Variants in SNTN observed in about 807,000 individuals in gnomAD.
SNTN encodes sentan, cilia apical structure protein.
SNTN carries 13 observed loss-of-function variants against 12.3 expected under a neutral mutation model. The ratio of observed to expected loss-of-function variants is 1.05; its 90% CI spans 0.69 to 1.67. The LOEUF is 1.67. SNTN is among the 40% of genes most tolerant of loss of function. The probability of loss-of-function intolerance (pLI) is 0.00; values close to 1 mark genes in which losing one functional copy is unlikely to be tolerated. For missense variants in SNTN, 189 were observed against 169.8 expected (o/e 1.11, Z -0.63); for synonymous variants, 69 against 58.5 (o/e 1.18, Z -0.82).
intron 3 of SNTN, among the ~76,000 whole-genome samples, chr3:63,660,787 A>C (rs1447838165): frequency 6.6e-6 from 1 of 152,164 alleles, no homozygotes; most frequent in African/African-American, 2.4e-5. Flanking sequence ...ATGTCCATGA[A>C]ATATTTAAGA....
chr3:63,652,898 G>C, intron 1 of SNTN, 101 bp downstream of exon 1: 4 of 1,065,866 alleles, frequency 3.8e-6, no homozygotes, highest in Non-Finnish European at 4.2e-6. Flanking sequence ...GTTATTGCCA[G>C]TTTGGTGCCT....
intron 1 of SNTN, among the ~76,000 whole-genome samples, chr3:63,653,959 GC>G (rs1393595426): frequency 6.6e-6 from 1 of 152,102 alleles, no homozygotes; most frequent in Non-Finnish European, 1.5e-5. Flanking sequence ...GGTGATTTCT[GC>G]CACATCAGGC....
chr3:63,657,336 AAG>A (rs1416481155), intron 2 of SNTN, among the ~76,000 whole-genome samples: 1 of 152,156 alleles, frequency 6.6e-6, no homozygotes, highest in Non-Finnish European at 1.5e-5. Flanking sequence ...CCAAAAGAGA[AAG>A]AGCAGTCCCT....
Position 63,659,883 on chromosome 3 carries a change from A to G in SNTN, c.285+19A>G, listed in dbSNP as rs1322251448. 2 of 1,613,526 alleles carry G rather than the reference A, an allele frequency of 1.2e-6. No individual in the cohort carries two copies. Among genetic ancestry groups the G allele is most frequent in the Non-Finnish European group, 1.7e-6 (2 of 1,179,748 alleles). On this transcript the variant is annotated intron_variant, in intron 3 of 3. Coordinates refer to ENST00000343837, the MANE Select transcript of SNTN (RefSeq NM_001080537.2). ...CGCAGAGGTGAGAGAATTAACTTGC[A>G]TAAAGAAACAGAAACTACACCCTCA...
intron 2 of SNTN, among the ~76,000 whole-genome samples, chr3:63,655,430 A>T (rs887717837): frequency 6.6e-6 from 1 of 152,188 alleles, no homozygotes; most frequent in Non-Finnish European, 1.5e-5. Flanking sequence ...TGACTAGCCA[A>T]ACTCTCCAAA....
chr3:63,655,813 A>C (rs1019735494), intron 2 of SNTN, among the ~76,000 whole-genome samples: 5 of 152,226 alleles, frequency 3.3e-5, no homozygotes, highest in Non-Finnish European at 7.3e-5. Flanking sequence ...AAAATCAGAC[A>C]TGGATAGGTC....
chr3:63,664,127 CA>C lies in SNTN; in HGVS notation c.*36del. The C allele has an allele frequency of 6.6e-7, 1 of 1,525,970 alleles. No individual in the cohort carries two copies. The highest frequency in any genetic ancestry group is 8.9e-7 in the Non-Finnish European group (1 of 1,127,406). The allele number at this position is 1,525,970 out of a possible 1,614,324, so 94.5% of individuals were successfully genotyped here. On this transcript the variant is annotated 3_prime_UTR_variant, in exon 4 of 4. Transcript: ENST00000343837. Reference sequence around the variant, plus strand: ...TTAAATATGCTGTATAAAATAATGGCAAAAGACAGTGTTATTAAAATGTTTC... The same window carrying C: ...TTAAATATGCTGTATAAAATAATGGCAAAGACAGTGTTATTAAAATGTTTC...
In SNTN at chr3:63,654,719, C is replaced by G. The variant is rs1003374606; in HGVS notation, c.111-43C>G. 3 of 1,585,272 alleles carry G rather than the reference C, an allele frequency of 1.9e-6. 1 individual carries two copies. In the Admixed American group the frequency reaches 5.1e-5, roughly 27 times the overall value. On this transcript the variant is annotated intron_variant, in intron 1 of 3. Coordinates refer to ENST00000343837, the MANE Select transcript of SNTN (RefSeq NM_001080537.2). ...CTGCTATAGATGCTGATATCAATAC[C>G]CCAACTCCCAGAATCATTCTGTTTC...
intron 2 of SNTN, among the ~76,000 whole-genome samples, chr3:63,658,744 G>T (rs191973015): frequency 6.6e-6 from 1 of 152,090 alleles, no homozygotes; most frequent in East Asian, 1.9e-4. Context: ...GGAAGTAACA[G>T]GCACTTAGTA....
rs58847521 is a variant in SNTN at position 63,658,401 on chromosome 3, A to AATATATATAT, written c.146-1309_146-1300dup. ...CTTGCCTCATACATCACAAGTTGTA[A>AATATATATAT]ATATATATATATATATATATATATG... On this transcript the variant is annotated intron_variant, in intron 2 of 3. Transcript: ENST00000343837. Among the ~76,000 whole-genome samples the AATATATATAT allele has an allele frequency of 3.5e-3, 436 of 123,118 alleles. 3 individuals are homozygous for AATATATATAT. The highest frequency in any genetic ancestry group is 0.011 in the African/African-American group (417 of 37,530). 80.8% of individuals were successfully genotyped at this position (123,118 alleles called of 152,430 possible). A position where few individuals can be genotyped will look rare whatever the true frequency, so the allele number is the denominator to read the frequency against.
Position 63,664,525 on chromosome 3 carries a change from C to T in SNTN, c.*430C>T, listed in dbSNP as rs971867041. ...TCTAGCAGAAGAGATAGACATTGAA[C>T]AATTTTTAAATAATTGCATACACAG... On this transcript the variant is annotated 3_prime_UTR_variant, in exon 4 of 4. Transcript: ENST00000343837. 1 of 154,584 alleles carries T rather than the reference C, an allele frequency of 6.5e-6. No individual in the cohort carries two copies. Among genetic ancestry groups the T allele is most frequent in the Non-Finnish European group, 1.4e-5 (1 of 70,020 alleles). 9.6% of individuals were successfully genotyped at this position (154,584 alleles called of 1,614,324 possible).
At position 63,663,679 on chromosome 3, in the gene SNTN, G is replaced by T. The variant is rs527603940; in HGVS notation, c.286-258G>T. 266 of 569,844 alleles carry T rather than the reference G, an allele frequency of 4.7e-4. 3 individuals carry two copies. The highest frequency in any genetic ancestry group is 4.1e-3 in the South Asian group (229 of 55,216). 35.3% of individuals were successfully genotyped at this position (569,844 alleles called of 1,614,324 possible). ...CCTCTTGCCCCCTCTCTTGCTGTGT[G>T]ATCTGTTCATACACCAGCTCCCCTT... is the stretch of plus-strand genomic sequence containing the variant. On this transcript the variant is annotated intron_variant, in intron 3 of 3. Transcript: ENST00000343837.
At chr3:63,662,482 T>C (rs918096827) in intron 3 of SNTN, among the ~76,000 whole-genome samples, 1 of 152,202 alleles carries the variant, frequency 6.6e-6, no homozygotes, top group Non-Finnish European at 1.5e-5. Flanking sequence ...CCAGGAGGAC[T>C]GGACCTCAGA....
rs1479118267 is a variant in SNTN, at chr3:63,660,416, C to G, written c.285+552C>G. 2.6e-5 allele frequency among the ~76,000 whole-genome samples: 4 copies of G among 152,036 alleles called. No homozygotes were observed. The South Asian group carries it at 6.2e-4, about 24-fold the overall frequency. On this transcript the variant is annotated intron_variant, in intron 3 of 3. Transcript: ENST00000343837. The stretch of plus-strand genomic sequence containing the variant: ...TACGTCCAGGCCTAAGAAATTACAC[C>G]AGCTGCAGTACAGAGAACAGACTAG...
chr3:63,653,334 T>C (rs936569112), intron 1 of SNTN, among the ~76,000 whole-genome samples: 2 of 151,868 alleles, frequency 1.3e-5, no homozygotes, highest in Non-Finnish European at 2.9e-5. Flanking sequence ...ATCATGGCAA[T>C]AGAAAGAAAT....
At chr3:63,659,252 G>C (rs182005124) in intron 2 of SNTN, among the ~76,000 whole-genome samples, 1 of 152,260 alleles carries the variant, frequency 6.6e-6, no homozygotes, top group Admixed American at 6.5e-5. Context: ...TTATAGCAAA[G>C]AGCTTTTCCT....
At chr3:63,654,657 T>G in intron 1 of SNTN, 105 bp from the exon 2 acceptor site, 1 of 1,013,502 alleles carries the variant, frequency 9.9e-7, no homozygotes, top group Non-Finnish European at 1.5e-6. Context: ...CAGAGAATGT[T>G]TACCAAAATA....
At chr3:63,659,957 T>C in intron 3 of SNTN, 93 bp downstream of exon 3, 2 of 1,464,526 alleles carry the variant, frequency 1.4e-6, no homozygotes, top group South Asian at 2.4e-5. Flanking sequence ...CCTGTCATGT[T>C]GTCTCACGTA....
At chr3:63,652,907 C>A in intron 1 of SNTN, 110 bp downstream of exon 1, 1 of 904,510 alleles carries the variant, frequency 1.1e-6, no homozygotes, top group Non-Finnish European at 1.7e-6. Context: ...AGTTTGGTGC[C>A]TATTACCTAC....
Sources: allele counts gnomAD v4.1 joint callset (sites outside exome capture counted in the v4.1 genomes callset), GRCh38; gene constraint gnomAD v4.1.1; transcripts MANE v1.5; gene names NCBI Gene and HGNC (gene_info 2026-07-23, HGNC 2026-07-21).